The following RGS6 variants were observed in gnomAD, a reference collection of about 807,000 sequenced individuals.
RGS6 encodes the protein regulator of G protein signaling 6, also known as regulator of G-protein signaling 6.
In RGS6, 30 loss-of-function variants were observed where a neutral mutation model predicts 78.5. The observed-to-expected ratio is 0.38, with a 90% confidence interval of 0.29 to 0.52. RGS6 has a LOEUF of 0.52. Ranked by LOEUF, RGS6 falls within the 20% of genes least tolerant of loss-of-function variation. RGS6 has a pLI of 0.85. For missense variants in RGS6, 495 were observed against 609.7 expected (o/e 0.81, Z 1.98); for synonymous variants, 206 against 206.0 (o/e 1.00, Z 0.00).
intron 1 of RGS6, among the ~76,000 whole-genome samples, chr14:71,951,261 G>A (rs1017758531): frequency 7.2e-5 from 11 of 152,182 alleles, no homozygotes; most frequent in Admixed American, 3.3e-4. Flanking sequence ...TTGCAGGGTC[G>A]TGGATGGAGC....
the RGS6 span, among the ~76,000 whole-genome samples, chr14:71,925,126 C>T: frequency 6.6e-6 from 1 of 152,052 alleles, no homozygotes; most frequent in African/African-American, 2.4e-5. Flanking sequence ...CAGGAGGTGA[C>T]ACTCATTGTG....
chr14:71,889,414 T>C, the RGS6 span, among the ~76,000 whole-genome samples: 1 of 152,010 alleles, frequency 6.6e-6, no homozygotes. Flanking sequence ...TACTGAGAAA[T>C]GGAGTGTGGA....
chr14:72,221,346 C>G (rs1259609340), intron 2 of RGS6, among the ~76,000 whole-genome samples: 1 of 152,200 alleles, frequency 6.6e-6, no homozygotes, highest in Non-Finnish European at 1.5e-5. Flanking sequence ...ATTTCCCAAG[C>G]TTCCTAATAT....
intron 12 of RGS6, among the ~76,000 whole-genome samples, chr14:72,492,715 G>A (rs554997824): frequency 5.3e-5 from 8 of 152,096 alleles, no homozygotes; most frequent in South Asian, 2.1e-4. Context: ...GCCCCTCCCC[G>A]ACCCTGCTCT....
intron 3 of RGS6, among the ~76,000 whole-genome samples, chr14:72,395,488 G>C (rs568424423): frequency 6.6e-6 from 1 of 151,988 alleles, no homozygotes; most frequent in Admixed American, 6.6e-5. Flanking sequence ...AAAGTAACAC[G>C]AGAGGAATTC....
At chr14:71,949,873 G>A (rs722975) in intron 1 of RGS6, among the ~76,000 whole-genome samples, 142,633 of 151,728 alleles carry the variant, frequency 0.94, 67,138 homozygotes, top group East Asian at 0.99. Context: ...AAAGGCATCC[G>A]TATTTGTTTT....
chr14:72,387,563 AAGG>A (rs909009819), intron 3 of RGS6, among the ~76,000 whole-genome samples: 1 of 152,064 alleles, frequency 6.6e-6, no homozygotes, highest in Non-Finnish European at 1.5e-5. Context: ...AAAAAAAAAA[AAGG>A]AGAGGGATAT....
At chr14:72,224,783 T>C (rs914483767) in intron 2 of RGS6, among the ~76,000 whole-genome samples, 1 of 152,090 alleles carries the variant, frequency 6.6e-6, no homozygotes. Context: ...CTCTGGACTC[T>C]ACATCAAGAG....
At chr14:72,254,941 A>C (rs2056742198) in intron 2 of RGS6, among the ~76,000 whole-genome samples, 1 of 152,180 alleles carries the variant, frequency 6.6e-6, no homozygotes, top group Non-Finnish European at 1.5e-5. Flanking sequence ...TGTTTTAACC[A>C]TATTACCTTG....
At chr14:72,189,062 C>A (rs1212015839) in intron 2 of RGS6, among the ~76,000 whole-genome samples, 1 of 152,188 alleles carries the variant, frequency 6.6e-6, no homozygotes, top group African/African-American at 2.4e-5. Flanking sequence ...ATTTCCCGTA[C>A]AGGCTCAGAT....
intron 16 of RGS6, 46 bp from the exon 17 acceptor site, chr14:72,539,995 T>C: frequency 6.6e-7 from 1 of 1,505,062 alleles, no homozygotes; most frequent in African/African-American, 1.4e-5. Context: ...CTGAAGATTT[T>C]TTTTTTCTGT....
At chr14:71,922,080 A>G in the RGS6 span, among the ~76,000 whole-genome samples, 3 of 152,168 alleles carry the variant, frequency 2.0e-5, no homozygotes, top group African/African-American at 7.2e-5. Context: ...CAACCTCCCA[A>G]CAGATATGTC....
At chr14:72,385,107 G>C (rs562370301) in intron 3 of RGS6, among the ~76,000 whole-genome samples, 6 of 152,160 alleles carry the variant, frequency 3.9e-5, no homozygotes, top group African/African-American at 7.2e-5. Flanking sequence ...CCTAAACTTG[G>C]TCTGCTTGAG....
At chr14:72,447,064 A>G (rs2095383946) in intron 3 of RGS6, among the ~76,000 whole-genome samples, 1 of 152,150 alleles carries the variant, frequency 6.6e-6, no homozygotes, top group Non-Finnish European at 1.5e-5. Flanking sequence ...AAGGGAAGGC[A>G]CGACAGGCCC....
intron 17 of RGS6, chr14:72,541,582 T>A: frequency 4.6e-6 from 7 of 1,535,704 alleles, no homozygotes; most frequent in Non-Finnish European, 6.1e-6. Context: ...GAGTCAAGGC[T>A]TCTGGGACTT....
intron 2 of RGS6, among the ~76,000 whole-genome samples, chr14:72,222,284 G>A (rs1303205509): frequency 6.6e-6 from 1 of 152,214 alleles, no homozygotes; most frequent in African/African-American, 2.4e-5. Context: ...CCAGAACAGG[G>A]AATTCTCCAG....
At chr14:71,898,863 G>A in the RGS6 span, among the ~76,000 whole-genome samples, 3 of 152,148 alleles carry the variant, frequency 2.0e-5, no homozygotes, top group South Asian at 6.2e-4. Context: ...TTTTGTGGCT[G>A]CATAGTAACC....
At chr14:72,152,380 A>G (rs924521848) in intron 2 of RGS6, among the ~76,000 whole-genome samples, 5 of 152,120 alleles carry the variant, frequency 3.3e-5, no homozygotes, top group Admixed American at 6.5e-5. Context: ...TGGTCCAGGG[A>G]TGTCATCAGT....
At chr14:72,197,875 A>G (rs1567444733) in intron 2 of RGS6, among the ~76,000 whole-genome samples, 1 of 152,188 alleles carries the variant, frequency 6.6e-6, no homozygotes, top group Non-Finnish European at 1.5e-5. Context: ...TGGATCCTCC[A>G]GGTCCAGGTT....
Sources: allele counts gnomAD v4.1 joint callset (sites outside exome capture counted in the v4.1 genomes callset), GRCh38; gene constraint gnomAD v4.1.1; transcripts MANE v1.5; gene names NCBI Gene and HGNC (gene_info 2026-07-23, HGNC 2026-07-21).